The following TRAF3 variants were observed in gnomAD, a reference collection of about 807,000 sequenced individuals.
The protein encoded by TRAF3 is TNF receptor-associated factor 3.
TRAF3 carries 13 observed loss-of-function variants against 62.3 expected under a neutral mutation model. The ratio of observed to expected loss-of-function variants is 0.21; its 90% CI spans 0.14 to 0.33. TRAF3 has a LOEUF of 0.33. TRAF3 is among the 10% of genes least tolerant of loss of function. The probability of loss-of-function intolerance (pLI) is 1.00; values close to 1 mark genes in which losing one functional copy is unlikely to be tolerated. For synonymous variants in TRAF3, 269 were observed against 283.4 expected, an observed-to-expected ratio of 0.95 and a Z score of 0.51; for missense variants, 440 against 741.8, an observed-to-expected ratio of 0.59 and a Z score of 4.73.
chr14:102,893,220 C>CA (rs1256677180), intron 9 of TRAF3, among the ~76,000 whole-genome samples: 2,133 of 140,106 alleles, frequency 0.015, 29 homozygotes, highest in African/African-American at 0.028. Context: ...CCGTCTCTAC[C>CA]AAAAAAAAAA....
chr14:102,788,866 G>A (rs1313190721), intron 1 of TRAF3, among the ~76,000 whole-genome samples: 1 of 152,188 alleles, frequency 6.6e-6, no homozygotes, highest in African/African-American at 2.4e-5. Context: ...ACCTACTCCA[G>A]AGGCTGAGGC....
chr14:102,881,375 C>G (rs1889048245), intron 6 of TRAF3, among the ~76,000 whole-genome samples: 1 of 147,274 alleles, frequency 6.8e-6, no homozygotes, highest in Non-Finnish European at 1.5e-5. Context: ...CAGAGCAAGA[C>G]TCCGTCTCAA....
At chr14:102,828,777 T>A (rs1043666604) in intron 1 of TRAF3, among the ~76,000 whole-genome samples, 2 of 152,256 alleles carry the variant, frequency 1.3e-5, no homozygotes, top group African/African-American at 4.8e-5. Context: ...AAATGCCCTA[T>A]ATAAGTGAAT....
Position 102,886,192 on chromosome 14 carries a change from C to T in TRAF3, c.574C>T (p.His192Tyr), listed in dbSNP as rs776609650. ...SQVPMIALQK[H>Y]EDTDCPCVVV... ...ATAGTACTTTCTCTCTCTGTAGAAA[C>T]ACGAAGACACCGACTGTCCCTGCGT... Residue 192 changes from histidine to tyrosine, a missense_variant, in exon 7 of 12, where the codon CAC (histidine) becomes TAC (tyrosine). Coordinates refer to ENST00000392745, the MANE Select transcript of TRAF3 (RefSeq NM_145725.3). The T allele has an allele frequency of 1.2e-6, 2 of 1,613,250 alleles. No homozygotes were observed. Among genetic ancestry groups the T allele is most frequent in the East Asian group, 2.2e-5 (1 of 44,830 alleles).
intron 1 of TRAF3, among the ~76,000 whole-genome samples, chr14:102,781,692 T>A (rs1481967257): frequency 1.3e-5 from 2 of 152,074 alleles, no homozygotes; most frequent in African/African-American, 2.4e-5. Flanking sequence ...AGTGGCCCGA[T>A]CTCGGCTTGC....
rs571823362 is a variant in TRAF3, at chr14:102,789,086, C to T, written c.-157+11411C>T. Among the ~76,000 whole-genome samples, 46 of 152,236 alleles carry T rather than the reference C, an allele frequency of 3.0e-4. No individual in the cohort carries two copies. In the South Asian group the frequency reaches 8.7e-3, roughly 29 times the overall value. ...CTGCTTTTGGTCTCTGTGGATTTGC[C>T]TATTTTAGATATAGCATCTAGGAAT... On this transcript the variant is annotated intron_variant, in intron 1 of 11. Transcript: ENST00000392745.
chr14:102,827,472 C>T (rs1476478214), intron 1 of TRAF3, among the ~76,000 whole-genome samples: 1 of 152,202 alleles, frequency 6.6e-6, no homozygotes, highest in African/African-American at 2.4e-5. Context: ...ACCTTATACA[C>T]ATAGCCTGAA....
intron 2 of TRAF3, among the ~76,000 whole-genome samples, chr14:102,852,904 A>T (rs958933955): frequency 1.3e-5 from 2 of 149,824 alleles, no homozygotes; most frequent in African/African-American, 2.5e-5. Context: ...TTTTATTATT[A>T]TTTTTTTGAG....
intron 2 of TRAF3, among the ~76,000 whole-genome samples, chr14:102,851,745 A>G (rs1336293378): frequency 6.6e-6 from 1 of 151,498 alleles, no homozygotes; most frequent in South Asian, 2.1e-4. Context: ...CTCTGCCTCA[A>G]AAAAAAAGAA....
At chr14:102,778,740 G>A (rs917088052) in intron 1 of TRAF3, among the ~76,000 whole-genome samples, 1 of 152,008 alleles carries the variant, frequency 6.6e-6, no homozygotes, top group African/African-American at 2.4e-5. Context: ...CATTTGCTGC[G>A]ACTACACACT....
At chr14:102,831,978 A>G (rs1265123102) in intron 2 of TRAF3, among the ~76,000 whole-genome samples, 4 of 152,314 alleles carry the variant, frequency 2.6e-5, no homozygotes, top group East Asian at 3.9e-4. Context: ...CACCTTTAAT[A>G]AGGATAATTT....
intron 2 of TRAF3, among the ~76,000 whole-genome samples, chr14:102,850,937 G>A (rs1226763088): frequency 2.0e-5 from 3 of 152,150 alleles, no homozygotes; most frequent in Non-Finnish European, 4.4e-5. Context: ...TGCTCAGTGA[G>A]GATAGGCAGT....
intron 2 of TRAF3, among the ~76,000 whole-genome samples, chr14:102,868,035 C>G (rs996788607): frequency 6.6e-6 from 1 of 152,208 alleles, no homozygotes; most frequent in Non-Finnish European, 1.5e-5. Context: ...GAACGGGGCT[C>G]GGAAGCAAGG....
At chr14:102,844,538 G>A (rs1303753654) in intron 2 of TRAF3, among the ~76,000 whole-genome samples, 1 of 152,232 alleles carries the variant, frequency 6.6e-6, no homozygotes. Flanking sequence ...GCAAATCACA[G>A]GCTTTACCTG....
At chr14:102,828,384 A>C (rs746963790) in intron 1 of TRAF3, among the ~76,000 whole-genome samples, 2 of 152,186 alleles carry the variant, frequency 1.3e-5, no homozygotes, top group Non-Finnish European at 2.9e-5. Flanking sequence ...AGGAGGAGAT[A>C]ATGAAGGTAA....
At chr14:102,805,436 G>A (rs969701002) in intron 1 of TRAF3, among the ~76,000 whole-genome samples, 9 of 152,322 alleles carry the variant, frequency 5.9e-5, no homozygotes, top group Middle Eastern at 3.4e-3. Context: ...AAGATATCCA[G>A]ATGAGACCCT....
Position 102,846,639 on chromosome 14 carries a change from A to T in TRAF3, c.-18+16167A>T, listed in dbSNP as rs940319689. ...GCAACACAGGGAGATCCAGCTTCTTAAAAAAAAAAAAAAAAAAAAAAAAAA... is the reference window on the plus strand; with the variant it reads ...GCAACACAGGGAGATCCAGCTTCTTTAAAAAAAAAAAAAAAAAAAAAAAAA... On this transcript the variant is annotated intron_variant, in intron 2 of 11. Coordinates refer to ENST00000392745, the MANE Select transcript of TRAF3 (RefSeq NM_145725.3). Among the ~76,000 whole-genome samples, 7 of 62,036 alleles carry T rather than the reference A, an allele frequency of 1.1e-4. No individual in the cohort carries two copies. The East Asian group carries it at 3.1e-3, about 28-fold the overall frequency. 40.7% of individuals were successfully genotyped at this position (62,036 alleles called of 152,430 possible).
At chr14:102,852,261 G>A (rs1183494918) in intron 2 of TRAF3, among the ~76,000 whole-genome samples, 1 of 152,008 alleles carries the variant, frequency 6.6e-6, no homozygotes, top group Admixed American at 6.6e-5. Context: ...TGCCATGCCC[G>A]ACAACCACCA....
intron 2 of TRAF3, among the ~76,000 whole-genome samples, chr14:102,847,698 AT>A (rs1372949670): frequency 6.6e-6 from 1 of 151,998 alleles, no homozygotes; most frequent in East Asian, 1.9e-4. Context: ...ATTTGTGTAG[AT>A]TTCTTTCTTC....
Sources: gnomAD v4.1 joint callset for allele counts (sites outside exome capture counted in the v4.1 genomes callset) on GRCh38, gnomAD v4.1.1 for gene constraint, MANE v1.5 for transcripts, NCBI Gene and HGNC (gene_info 2026-07-23, HGNC 2026-07-21) for gene names.